TMEM134: variants seen among roughly 807,000 people sequenced by gnomAD.
TMEM134 encodes the protein transmembrane protein 134.
Under a neutral mutation model 26.2 loss-of-function variants are expected in TMEM134, and 36 were observed. The observed-to-expected ratio is 1.37, with a 90% CI of 1.05 to 1.81. The LOEUF is 1.81. Ranked by LOEUF, TMEM134 falls within the 40% of genes most tolerant of loss-of-function variation. The pLI is 0.00. For missense variants in TMEM134, 339 were observed against 263.5 expected, an observed-to-expected ratio of 1.29 and a Z score of -1.98; for synonymous variants, 133 against 113.6, an observed-to-expected ratio of 1.17 and a Z score of -1.08.
chr11:67,463,484 G>A lies in TMEM134; in HGVS notation c.*1130C>T, dbSNP rs1865076178. On this transcript the variant is annotated 3_prime_UTR_variant, in exon 7 of 7. Transcript: ENST00000308022. Reference sequence around the variant, plus strand: ...GAGTCAGTCCTTATCTGTAAAATGGGACGGAGGTAGTGAAGATTACAAGAT... The same window carrying A: ...GAGTCAGTCCTTATCTGTAAAATGGAACGGAGGTAGTGAAGATTACAAGAT... 6.6e-6 allele frequency: 1 copy of A among 152,210 alleles called. No homozygotes were observed. Among genetic ancestry groups the A allele is most frequent in the African/African-American group, 2.4e-5 (1 of 41,436 alleles). 9.4% of individuals were successfully genotyped at this position (152,210 alleles called of 1,614,324 possible). A position where few individuals can be genotyped will look rare whatever the true frequency, so the allele number is the denominator to read the frequency against.
In TMEM134 at chr11:67,464,533, C is replaced by A; in HGVS notation, c.*81G>T. On this transcript the variant is annotated 3_prime_UTR_variant, in exon 7 of 7. Transcript: ENST00000308022. ...CTGGGGTTTCGAGGGTCCTGGAGGG[C>A]CTCTTCCCTTGAGATGAGGGGAACG... 3 of 1,423,112 alleles carry A rather than the reference C, an allele frequency of 2.1e-6. No homozygotes were observed. Among genetic ancestry groups the A allele is most frequent in the South Asian group, 2.5e-5 (2 of 81,392 alleles). 88.2% of individuals were successfully genotyped at this position (1,423,112 alleles called of 1,614,324 possible).
At chr11:67,464,921 C>G in intron 5 of TMEM134, 65 bp from the exon 6 acceptor site, 2 of 1,584,612 alleles carry the variant, frequency 1.3e-6, no homozygotes, top group Non-Finnish European at 1.7e-6. Flanking sequence ...TCCGGGCTGC[C>G]GCTGACTGCC....
rs1865326737 is a variant in TMEM134, at chr11:67,467,379, T to C, written c.339A>G (p.Gln113=). 6.2e-7 allele frequency: 1 copy of C among 1,613,512 alleles called. No individual in the cohort carries two copies. The highest frequency in any genetic ancestry group is 8.5e-7 in the Non-Finnish European group (1 of 1,179,858). Residue 113 remains glutamine (Q), a synonymous_variant, in exon 4 of 7, where the codon CAA becomes CAG. Coordinates refer to ENST00000308022, the MANE Select transcript of TMEM134 (RefSeq NM_025124.4). ...GGCGGTTCTTCTGGATCAAAGGGTG[T>C]TGGGTCCAGCTGGGTGGCAGGAGAG... ...RSYNTCCSWT[Q]HPLIQKNRRV...
rs1865107556 is a variant in TMEM134 at position 67,464,461 on chromosome 11, G to A, written c.*153C>T. 1.1e-5 allele frequency: 8 copies of A among 749,050 alleles called. No individual in the cohort carries two copies. Among genetic ancestry groups the A allele is most frequent in the South Asian group, 6.8e-5 (4 of 58,754 alleles). 46.4% of individuals were successfully genotyped at this position (749,050 alleles called of 1,614,324 possible). A position where few individuals can be genotyped will look rare whatever the true frequency, so the allele number is the denominator to read the frequency against. On this transcript the variant is annotated 3_prime_UTR_variant, in exon 7 of 7. Coordinates refer to ENST00000308022, the MANE Select transcript of TMEM134 (RefSeq NM_025124.4). ...GAGCAGGCGACGGGCGGCTTTCCCAGGGCCAGGCCTGCATGCCCCGAACTT... is the reference window on the plus strand; with the variant it reads ...GAGCAGGCGACGGGCGGCTTTCCCAAGGCCAGGCCTGCATGCCCCGAACTT...
At chr11:67,465,383 A>T in intron 4 of TMEM134, 1 of 642,164 alleles carries the variant, frequency 1.6e-6, no homozygotes, top group Non-Finnish European at 2.3e-6. Context: ...TTCCGCCCTG[A>T]AGGGCAGATA....
rs778469173 is a variant in TMEM134 at position 67,468,113 on chromosome 11, CAG to C, written c.175-23_175-22del. On this transcript the variant is annotated intron_variant, in intron 1 of 6. Coordinates refer to ENST00000308022, the MANE Select transcript of TMEM134 (RefSeq NM_025124.4). ...AGGTTCTGTTGCAGAACACAGGTCT[CAG>C]GGGGGTTGCTGGGCTGGGGCCCTTC... 54 of 1,555,186 alleles carry C rather than the reference CAG, an allele frequency of 3.5e-5. 1 individual carries two copies. The Middle Eastern group carries it at 5.0e-4, about 14-fold the overall frequency.
intron 1 of TMEM134, among the ~76,000 whole-genome samples, chr11:67,468,627 C>T (rs1464191130): frequency 6.6e-6 from 1 of 152,186 alleles, no homozygotes; most frequent in Non-Finnish European, 1.5e-5. Context: ...CGTGCGGGTT[C>T]CCATCAGCTT....
At chr11:67,465,378 C>T (rs1865188214) in intron 4 of TMEM134, 1 of 745,800 alleles carries the variant, frequency 1.3e-6, no homozygotes, top group South Asian at 2.1e-5. Context: ...GGGAATTCCG[C>T]CCTGAAGGGC....
At chr11:67,467,866 C>A in intron 2 of TMEM134, 162 bp downstream of exon 2, 1 of 725,062 alleles carries the variant, frequency 1.4e-6, no homozygotes, top group Non-Finnish European at 2.3e-6. Flanking sequence ...GGTAGGGTGA[C>A]CCTACAGTGT....
In TMEM134 at chr11:67,463,436, C is replaced by T. The variant is rs1017119665; in HGVS notation, c.*1178G>A. The T allele has an allele frequency of 1.3e-5, 2 of 152,306 alleles. No homozygotes were observed. Among genetic ancestry groups the T allele is most frequent in the Non-Finnish European group, 2.9e-5 (2 of 68,100 alleles). The allele number at this position is 152,306 out of a possible 1,614,324, so 9.4% of individuals were successfully genotyped here. On this transcript the variant is annotated 3_prime_UTR_variant, in exon 7 of 7. Coordinates refer to ENST00000308022, the MANE Select transcript of TMEM134 (RefSeq NM_025124.4). ...TGGGCTACGTTCCTAATTCTACCTACCACCTGCTGGCTGTCCTTGGGTGAG... is the reference window on the plus strand; with the variant it reads ...TGGGCTACGTTCCTAATTCTACCTATCACCTGCTGGCTGTCCTTGGGTGAG...
In TMEM134 at chr11:67,461,895, T is replaced by G. The variant is rs1366154359; in HGVS notation, c.*2719A>C. 1 of 152,216 alleles carries G rather than the reference T, an allele frequency of 6.6e-6. No homozygotes were observed. The highest frequency in any genetic ancestry group is 2.4e-5 in the African/African-American group (1 of 41,446). The allele number at this position is 152,216 out of a possible 1,614,324, so 9.4% of individuals were successfully genotyped here. A position where few individuals can be genotyped will look rare whatever the true frequency, so the allele number is the denominator to read the frequency against. On this transcript the variant is annotated 3_prime_UTR_variant, in exon 7 of 7. Coordinates refer to ENST00000308022, the MANE Select transcript of TMEM134 (RefSeq NM_025124.4). ...GATTCCTAACGCAGACTTCTAATGA[T>G]GGGAATCACCACTTCTGAAATTGCT...
intron 2 of TMEM134, 200 bp from the exon 3 acceptor site, chr11:67,467,790 T>G: frequency 1.5e-6 from 1 of 659,340 alleles, no homozygotes; most frequent in Non-Finnish European, 2.6e-6. Flanking sequence ...ACAGGTGACC[T>G]GTATGAAGGT....
rs377492873 is a variant in TMEM134 at position 67,467,274 on chromosome 11, C to T, written c.406+38G>A. ...TACAAAAGGAGGGCAGAGCCTCCCA[C>T]GGGGCCCCTCTTGACCCCAACCCTC... On this transcript the variant is annotated intron_variant, in intron 4 of 6. Coordinates refer to ENST00000308022, the MANE Select transcript of TMEM134 (RefSeq NM_025124.4). The T allele has an allele frequency of 1.3e-3, 2,061 of 1,603,074 alleles. 4 individuals carry two copies. The highest frequency in any genetic ancestry group is 1.9e-3 in the Middle Eastern group (10 of 5,402).
In TMEM134 at chr11:67,468,027, C is replaced by A. The variant is rs372848592; in HGVS notation, c.239+1G>T. ...GGGTTGGGTCCCCACCTGGCCCTAA[C>A]CTGGTGCCGACTCCCCCATCCGGCT... is the stretch of plus-strand genomic sequence containing the variant. On this transcript the variant is annotated splice_donor_variant, in intron 2 of 6. Coordinates refer to ENST00000308022, the MANE Select transcript of TMEM134 (RefSeq NM_025124.4). LOFTEE classifies it high-confidence loss of function. 1 of 1,556,120 alleles carries A rather than the reference C, an allele frequency of 6.4e-7. No homozygotes were observed. Among genetic ancestry groups the A allele is most frequent in the African/African-American group, 1.4e-5 (1 of 73,236 alleles).
intron 2 of TMEM134, 183 bp downstream of exon 2, chr11:67,467,845 C>G (rs1865371259): frequency 1.5e-6 from 1 of 673,638 alleles, no homozygotes; most frequent in South Asian, 1.8e-5. Context: ...GTGAGTACAG[C>G]TGGGCACTAG....
intron 1 of TMEM134, 21 bp from the exon 2 acceptor site, chr11:67,468,113 C>T (rs1007315868): frequency 1.3e-6 from 2 of 1,555,186 alleles, no homozygotes; most frequent in South Asian, 1.2e-5. Context: ...ACACAGGTCT[C>T]AGGGGGGTTG....
rs2135205173 is a variant in TMEM134 at position 67,464,160 on chromosome 11, GC to G, written c.*453del. On this transcript the variant is annotated 3_prime_UTR_variant, in exon 7 of 7. Transcript: ENST00000308022. Reference sequence around the variant, plus strand: ...GGCTGTTCCGGCCGGCTCCTGGCTGGCAAGGCAGGAGTCCTACGCCCAGCTC... The same window carrying G: ...GGCTGTTCCGGCCGGCTCCTGGCTGGAAGGCAGGAGTCCTACGCCCAGCTC... 5.2e-6 allele frequency: 1 copy of G among 190,686 alleles called. No individual in the cohort carries two copies. Among genetic ancestry groups the G allele is most frequent in the East Asian group, 1.7e-4 (1 of 5,982 alleles). 11.8% of individuals were successfully genotyped at this position (190,686 alleles called of 1,614,324 possible).
chr11:67,462,344 C>T lies in TMEM134; in HGVS notation c.*2270G>A, dbSNP rs1227255307. 6.6e-6 allele frequency: 1 copy of T among 150,538 alleles called. No individual in the cohort carries two copies. Among genetic ancestry groups the T allele is most frequent in the Non-Finnish European group, 1.5e-5 (1 of 67,708 alleles). The allele number at this position is 150,538 out of a possible 1,614,324, so 9.3% of individuals were successfully genotyped here. On this transcript the variant is annotated 3_prime_UTR_variant, in exon 7 of 7. Coordinates refer to ENST00000308022, the MANE Select transcript of TMEM134 (RefSeq NM_025124.4). Reference sequence around the variant, plus strand: ...TCTAATTAATCTGATAAACTGTGGACTTGTATTCTGTATTTTTTTTTTTTT... The same window carrying T: ...TCTAATTAATCTGATAAACTGTGGATTTGTATTCTGTATTTTTTTTTTTTT...
In TMEM134 at chr11:67,464,177, C is replaced by A. The variant is rs1165250812; in HGVS notation, c.*437G>T. The A allele has an allele frequency of 4.5e-6, 1 of 221,772 alleles. No homozygotes were observed. Among genetic ancestry groups the A allele is most frequent in the Non-Finnish European group, 9.2e-6 (1 of 108,558 alleles). 13.7% of individuals were successfully genotyped at this position (221,772 alleles called of 1,614,324 possible). A position where few individuals can be genotyped will look rare whatever the true frequency, so the allele number is the denominator to read the frequency against. ...CCTGGCTGGCAAGGCAGGAGTCCTA[C>A]GCCCAGCTCTGCCCCTAACATGCCC... On this transcript the variant is annotated 3_prime_UTR_variant, in exon 7 of 7. Coordinates refer to ENST00000308022, the MANE Select transcript of TMEM134 (RefSeq NM_025124.4).
Sources: allele counts gnomAD v4.1 joint callset (sites outside exome capture counted in the v4.1 genomes callset), GRCh38; gene constraint gnomAD v4.1.1; transcripts MANE v1.5; gene names NCBI Gene and HGNC (gene_info 2026-07-23, HGNC 2026-07-21).